WDFY2: variants seen among roughly 807,000 people sequenced by gnomAD.
The protein encoded by WDFY2 is WD repeat and FYVE domain-containing protein 2.
A neutral mutation model predicts 56.4 loss-of-function variants in WDFY2; 36 were observed. The ratio of observed to expected loss-of-function variants is 0.64; its 90% confidence interval spans 0.49 to 0.84. The LOEUF is 0.84. WDFY2 is among the 40% of genes least tolerant of loss of function. WDFY2 has a pLI of 0.00. For missense variants in WDFY2, 444 were observed against 512.2 expected (o/e 0.87, Z 1.29); for synonymous variants, 176 against 183.7 (o/e 0.96, Z 0.34).
intron 2 of WDFY2, among the ~76,000 whole-genome samples, chr13:51,664,636 C>T (rs1478564658): frequency 6.6e-6 from 1 of 152,178 alleles, no homozygotes; most frequent in East Asian, 1.9e-4. Context: ...TGGATATGCC[C>T]ATTTGTGCCT....
At chr13:51,682,547 C>G (rs1955996790) in intron 3 of WDFY2, among the ~76,000 whole-genome samples, 1 of 152,130 alleles carries the variant, frequency 6.6e-6, no homozygotes, top group Admixed American at 6.5e-5. Context: ...GTTCGGAGCA[C>G]AAGCCCTGGT....
At chr13:51,709,559 G>C (rs1401820047) in intron 4 of WDFY2, among the ~76,000 whole-genome samples, 1 of 152,068 alleles carries the variant, frequency 6.6e-6, no homozygotes, top group Non-Finnish European at 1.5e-5. Context: ...AAGAGGAAAA[G>C]AGAGAAGAAT....
chr13:51,658,196 T>TCC (rs1402210686), intron 1 of WDFY2, among the ~76,000 whole-genome samples: 4 of 152,226 alleles, frequency 2.6e-5, no homozygotes, highest in Admixed American at 6.5e-5. Context: ...TTTTTGCAAA[T>TCC]ACTATATTCC....
At chr13:51,614,575 T>C (rs1954573473) in intron 1 of WDFY2, among the ~76,000 whole-genome samples, 1 of 152,156 alleles carries the variant, frequency 6.6e-6, no homozygotes, top group Non-Finnish European at 1.5e-5. Context: ...CCAGTCAGCA[T>C]TGCATCTGCT....
chr13:51,662,400 A>C (rs1483130617), intron 2 of WDFY2, among the ~76,000 whole-genome samples: 1 of 152,170 alleles, frequency 6.6e-6, no homozygotes, highest in Non-Finnish European at 1.5e-5. Context: ...CTCAGAGATC[A>C]ATAGGTCCCA....
At chr13:51,753,477 A>G (rs1953284336) in intron 8 of WDFY2, among the ~76,000 whole-genome samples, 1 of 152,220 alleles carries the variant, frequency 6.6e-6, no homozygotes, top group Non-Finnish European at 1.5e-5. Flanking sequence ...AAAAGTTACA[A>G]AATGCTCATT....
intron 1 of WDFY2, among the ~76,000 whole-genome samples, chr13:51,612,231 C>T (rs1044669578): frequency 6.6e-6 from 1 of 152,096 alleles, no homozygotes; most frequent in Non-Finnish European, 1.5e-5. Flanking sequence ...ATGGCCTGCT[C>T]CACTGTGTAG....
chr13:51,638,168 C>T (rs1955088068), intron 1 of WDFY2, among the ~76,000 whole-genome samples: 1 of 152,076 alleles, frequency 6.6e-6, no homozygotes, highest in Non-Finnish European at 1.5e-5. Flanking sequence ...TAGAGTTGAG[C>T]GTGGTCCTCA....
At chr13:51,717,635 C>CT (rs1489988708) in intron 4 of WDFY2, among the ~76,000 whole-genome samples, 1 of 152,046 alleles carries the variant, frequency 6.6e-6, no homozygotes, top group African/African-American at 2.4e-5. Context: ...AGAGAGTTCA[C>CT]TTTTTATTCC....
At chr13:51,608,336 A>G (rs977166911) in intron 1 of WDFY2, among the ~76,000 whole-genome samples, 1 of 152,258 alleles carries the variant, frequency 6.6e-6, no homozygotes, top group African/African-American at 2.4e-5. Flanking sequence ...CTATTCCTGC[A>G]TCCTATAGGT....
intron 1 of WDFY2, among the ~76,000 whole-genome samples, chr13:51,604,834 G>C (rs1036848019): frequency 3.3e-5 from 5 of 152,186 alleles, no homozygotes; most frequent in Middle Eastern, 3.2e-3. Context: ...AATGATGGTG[G>C]TGCCTGAACT....
chr13:51,725,802 T>A (rs1434450472), intron 5 of WDFY2, among the ~76,000 whole-genome samples: 1 of 151,734 alleles, frequency 6.6e-6, no homozygotes, highest in Non-Finnish European at 1.5e-5. Context: ...CAAGCAATCC[T>A]CCTGTGTCAG....
intron 4 of WDFY2, among the ~76,000 whole-genome samples, chr13:51,716,990 A>G (rs933764981): frequency 2.0e-5 from 3 of 152,164 alleles, no homozygotes; most frequent in Non-Finnish European, 4.4e-5. Context: ...TCATTACAAA[A>G]TATTCCCAGC....
At chr13:51,590,808 G>C (rs1204012303) in intron 1 of WDFY2, 1 of 151,576 alleles carries the variant, frequency 6.6e-6, no homozygotes, top group African/African-American at 2.4e-5. Flanking sequence ...TCAGCAAGCA[G>C]TCTTCTCTTT....
At position 51,766,564 on chromosome 13, in the gene WDFY2, T is replaced by C. The variant is rs2138841720; in HGVS notation, c.*6795T>C. On this transcript the variant is annotated 3_prime_UTR_variant, in exon 12 of 12. Transcript: ENST00000298125. ...GCCACACTCCCTGCCAGTCCTGACA[T>C]TGACTTCCTGAATGTGATTAGGTGG... The C allele has an allele frequency of 6.6e-6, 1 of 152,370 alleles. No individual in the cohort carries two copies. The highest frequency in any genetic ancestry group is 6.5e-5 in the Admixed American group (1 of 15,302). 9.4% of individuals were successfully genotyped at this position (152,370 alleles called of 1,614,324 possible).
chr13:51,759,715 C>G (rs985835113), intron 11 of WDFY2, 25 bp from the exon 12 acceptor site: 1 of 1,613,224 alleles, frequency 6.2e-7, no homozygotes, highest in Non-Finnish European at 8.5e-7. Flanking sequence ...TTAGTTCATT[C>G]TGTATCTTCT....
intron 2 of WDFY2, among the ~76,000 whole-genome samples, chr13:51,666,360 A>G (rs1234875104): frequency 1.3e-5 from 2 of 152,192 alleles, no homozygotes; most frequent in Non-Finnish European, 2.9e-5. Context: ...TGAAGGAGCA[A>G]AAAGGTGGAA....
intron 3 of WDFY2, among the ~76,000 whole-genome samples, chr13:51,702,210 G>A (rs1816000325): frequency 6.6e-6 from 1 of 151,972 alleles, no homozygotes; most frequent in Non-Finnish European, 1.5e-5. Flanking sequence ...TACTAGGGAG[G>A]CTGAGGCAGG....
intron 1 of WDFY2, among the ~76,000 whole-genome samples, chr13:51,604,300 C>T (rs527643907): frequency 1.2e-3 from 184 of 152,268 alleles, no homozygotes; most frequent in African/African-American, 4.3e-3. Flanking sequence ...CCTCAGAAAT[C>T]TCTGCTTCAG....
Sources: gnomAD v4.1 joint callset for allele counts (sites outside exome capture counted in the v4.1 genomes callset) on GRCh38, gnomAD v4.1.1 for gene constraint, MANE v1.5 for transcripts, NCBI Gene and HGNC (gene_info 2026-07-23, HGNC 2026-07-21) for gene names.